The following ADAM23 variants were observed in gnomAD, a reference collection of about 807,000 sequenced individuals.
ADAM23 encodes disintegrin and metalloproteinase domain-containing protein 23.
A neutral mutation model predicts 120.1 loss-of-function variants in ADAM23; 33 were observed. That is an observed-to-expected ratio of 0.27 (90% CI 0.21 to 0.37). The LOEUF (loss-of-function observed/expected upper bound fraction) is 0.37, where lower values mean the gene tolerates loss of function less well. Ranked by LOEUF, ADAM23 falls within the 10% of genes least tolerant of loss-of-function variation. ADAM23 has a pLI of 1.00. For missense variants in ADAM23, 862 were observed against 1,058.2 expected (o/e 0.81, Z 2.57); for synonymous variants, 367 against 375.2 (o/e 0.98, Z 0.25).
At chr2:206,472,626 A>AC (rs1160705408) in intron 2 of ADAM23, among the ~76,000 whole-genome samples, 1 of 151,478 alleles carries the variant, frequency 6.6e-6, no homozygotes, top group Non-Finnish European at 1.5e-5. Flanking sequence ...AAAAAAAAAA[A>AC]AAGAGTACCT....
rs1697045775 is a variant in ADAM23 at position 206,530,906 on chromosome 2, T to C, written c.531T>C (p.Tyr177=). 6.2e-7 allele frequency: 1 copy of C among 1,614,028 alleles called. No individual in the cohort carries two copies. Among genetic ancestry groups the C allele is most frequent in the Non-Finnish European group, 8.5e-7 (1 of 1,179,956 alleles). Residue 177 remains tyrosine (Y), a synonymous_variant, in exon 4 of 26, where the codon TAT becomes TAC. Transcript: ENST00000264377. Reference sequence around the variant, plus strand: ...GTAGTGGTTTGTTGTCTTCTGATTATGTGGAGATTCACTACGAAAATGGGA... The same window carrying C: ...GTAGTGGTTTGTTGTCTTCTGATTACGTGGAGATTCACTACGAAAATGGGA... The part of the protein sequence containing the change: ...ILNNGLLSSD[Y]VEIHYENGKP...
chr2:206,470,208 A>G (rs564875837), intron 2 of ADAM23, among the ~76,000 whole-genome samples: 2 of 152,242 alleles, frequency 1.3e-5, no homozygotes, highest in South Asian at 2.1e-4. Flanking sequence ...GGTAATATAT[A>G]ATCTGAGGAA....
chr2:206,465,280 T>C (rs1695521294), intron 2 of ADAM23, among the ~76,000 whole-genome samples: 1 of 152,144 alleles, frequency 6.6e-6, no homozygotes. Flanking sequence ...CCTTAATTCA[T>C]CCTCTGGCCT....
chr2:206,558,794 C>A (rs1313566128), intron 10 of ADAM23, among the ~76,000 whole-genome samples: 1 of 152,174 alleles, frequency 6.6e-6, no homozygotes, highest in Non-Finnish European at 1.5e-5. Flanking sequence ...CTGAAGCTGA[C>A]CACTAATTTT....
intron 6 of ADAM23, among the ~76,000 whole-genome samples, chr2:206,546,913 A>C (rs550207184): frequency 6.6e-6 from 1 of 152,276 alleles, no homozygotes; most frequent in South Asian, 2.1e-4. Flanking sequence ...AAAAAATGTA[A>C]ATGTTTTCAC....
At chr2:206,549,670 T>C (rs1346074538) in intron 8 of ADAM23, among the ~76,000 whole-genome samples, 2 of 152,040 alleles carry the variant, frequency 1.3e-5, no homozygotes, top group Non-Finnish European at 2.9e-5. Context: ...TAATTATAAC[T>C]TATGCTATTC....
At chr2:206,512,283 A>G (rs1696638797) in intron 3 of ADAM23, among the ~76,000 whole-genome samples, 1 of 152,218 alleles carries the variant, frequency 6.6e-6, no homozygotes, top group African/African-American at 2.4e-5. Flanking sequence ...TTCTCTAGTT[A>G]AGAATTGTAA....
chr2:206,460,227 C>G (rs916352719), intron 2 of ADAM23, among the ~76,000 whole-genome samples: 1 of 151,968 alleles, frequency 6.6e-6, no homozygotes, highest in Non-Finnish European at 1.5e-5. Flanking sequence ...AAACACATGC[C>G]CTAGAAAAAC....
chr2:206,444,165 C>A (rs377275475), intron 1 of ADAM23, 85 bp downstream of exon 1: 1 of 1,088,430 alleles, frequency 9.2e-7, no homozygotes, highest in African/African-American at 1.6e-5. Context: ...CCGTGTGCTC[C>A]GGGCTTGTCC....
chr2:206,562,353 C>A (rs1697785477), intron 13 of ADAM23, 60 bp downstream of exon 13: 6 of 1,170,072 alleles, frequency 5.1e-6, no homozygotes, highest in South Asian at 1.4e-5. Flanking sequence ...TAATGCATGT[C>A]CAGTCAATAA....
At chr2:206,553,176 G>C (rs1468204878) in intron 9 of ADAM23, among the ~76,000 whole-genome samples, 1 of 151,960 alleles carries the variant, frequency 6.6e-6, no homozygotes, top group African/African-American at 2.4e-5. Context: ...TAAGGAGTTC[G>C]AGACCAGCCT....
Position 206,617,588 on chromosome 2 carries a change from G to A in ADAM23, c.2460G>A (p.Lys820=). 6.2e-7 allele frequency: 1 copy of A among 1,608,440 alleles called. No homozygotes were observed. Among genetic ancestry groups the A allele is most frequent in the Non-Finnish European group, 8.5e-7 (1 of 1,177,172 alleles). ...TGACTCACTCTGGAAGAAATGTCAAGAAGAGAAGGTTCGATCCTACTCAGC... is the reference window on the plus strand; with the variant it reads ...TGACTCACTCTGGAAGAAATGTCAAAAAGAGAAGGTTCGATCCTACTCAGC... ...GGTGWGFKNV[K]KRRFDPTQQG... The change falls in exon 26 of 26, where the codon AAG becomes AAA. Residue 820 remains lysine, a synonymous_variant. Transcript: ENST00000264377.
intron 9 of ADAM23, among the ~76,000 whole-genome samples, chr2:206,552,743 C>T (rs746809013): frequency 6.6e-6 from 1 of 152,166 alleles, no homozygotes; most frequent in Non-Finnish European, 1.5e-5. Flanking sequence ...CTCGGCGCAA[C>T]CTGCGCCTCC....
At chr2:206,575,874 C>A (rs1217610619) in intron 18 of ADAM23, among the ~76,000 whole-genome samples, 1 of 152,068 alleles carries the variant, frequency 6.6e-6, no homozygotes, top group Non-Finnish European at 1.5e-5. Context: ...CTCCACCTCC[C>A]AATGATGGAA....
At position 206,443,925 on chromosome 2, in the gene ADAM23, G is replaced by C; in HGVS notation, c.59G>C (p.Gly20Ala). ...QPPLAGCSLA[G>A]ASCGPQRGPA... is the part of the protein sequence containing the mutation. The stretch of plus-strand genomic sequence containing the variant: ...CCCCTGGCGGGCTGCAGCCTTGCCG[G>C]CGCTTCCTGCGGCCCCCAACGCGGC... The change falls in exon 1 of 26, where the codon GGC (glycine) becomes GCC (alanine). Residue 20 changes from glycine to alanine, a missense_variant. This residue lies in a region of ADAM23 where 225 missense variants were observed against 204.0 expected (regional missense o/e 1.10). Coordinates refer to ENST00000264377, the MANE Select transcript of ADAM23 (RefSeq NM_003812.4). 1.6e-6 allele frequency: 2 copies of C among 1,228,942 alleles called. No homozygotes were observed. Among genetic ancestry groups the C allele is most frequent in the Non-Finnish European group, 2.0e-6 (2 of 989,286 alleles). 76.1% of individuals were successfully genotyped at this position (1,228,942 alleles called of 1,614,324 possible).
intron 2 of ADAM23, among the ~76,000 whole-genome samples, chr2:206,449,789 A>G (rs1695155065): frequency 6.6e-6 from 1 of 152,014 alleles, no homozygotes; most frequent in Non-Finnish European, 1.5e-5. Context: ...AAACCCCCCT[A>G]AAAAACTACT....
At chr2:206,599,268 T>C (rs1471259978) in intron 24 of ADAM23, among the ~76,000 whole-genome samples, 2 of 152,134 alleles carry the variant, frequency 1.3e-5, no homozygotes, top group Non-Finnish European at 2.9e-5. Flanking sequence ...TTTTTCTTTT[T>C]CCATTTTTAA....
chr2:206,515,344 C>G (rs939411307), intron 3 of ADAM23, among the ~76,000 whole-genome samples: 3 of 152,192 alleles, frequency 2.0e-5, no homozygotes, highest in Non-Finnish European at 4.4e-5. Context: ...TTTGCACATT[C>G]TTCCAGGGAA....
At chr2:206,463,833 T>C (rs1215541005) in intron 2 of ADAM23, among the ~76,000 whole-genome samples, 1 of 152,248 alleles carries the variant, frequency 6.6e-6, no homozygotes, top group South Asian at 2.1e-4. Flanking sequence ...TTACGTGAAT[T>C]GTGGAAAAAC....
Sources: gnomAD v4.1 joint callset for allele counts (sites outside exome capture counted in the v4.1 genomes callset) on GRCh38, gnomAD v4.1.1 for gene constraint, gnomAD v4.1.1 regional missense constraint, MANE v1.5 for transcripts, NCBI Gene and HGNC (gene_info 2026-07-23, HGNC 2026-07-21) for gene names.